MTUS2: variants seen among roughly 807,000 people sequenced by gnomAD.
MTUS2 encodes microtubule associated scaffold protein 2.
A neutral mutation model predicts 114.1 loss-of-function variants in MTUS2; 40 were observed. The ratio of observed to expected loss-of-function variants is 0.35; its 90% CI spans 0.27 to 0.46. The LOEUF is 0.46. Ranked by LOEUF, MTUS2 falls within the 20% of genes least tolerant of loss-of-function variation. The pLI, the probability that MTUS2 is intolerant of heterozygous loss-of-function variation, is 1.00. For missense variants in MTUS2, 1,679 were observed against 1,705.4 expected, an observed-to-expected ratio of 0.98 and a Z score of 0.27; for synonymous variants, 688 against 672.0, an observed-to-expected ratio of 1.02 and a Z score of -0.37.
chr13:29,117,769 C>G (rs1055145611), intron 5 of MTUS2, among the ~76,000 whole-genome samples: 1 of 152,174 alleles, frequency 6.6e-6, no homozygotes. Context: ...CTGCCAACAC[C>G]CATTTACGCT....
chr13:28,980,639 G>C (rs1003482828), intron 2 of MTUS2, among the ~76,000 whole-genome samples: 11 of 152,094 alleles, frequency 7.2e-5, no homozygotes, highest in African/African-American at 2.7e-4. Flanking sequence ...TGTTTTTCTT[G>C]TACAAACACT....
intron 11 of MTUS2, chr13:29,488,206 A>G (rs553671851): frequency 2.1e-5 from 12 of 573,448 alleles, no homozygotes; most frequent in Non-Finnish European, 3.1e-5. Context: ...CTTTCCTCCA[A>G]TGCAGTTATC....
At chr13:29,191,932 T>C (rs1894467528) in intron 5 of MTUS2, among the ~76,000 whole-genome samples, 1 of 152,204 alleles carries the variant, frequency 6.6e-6, no homozygotes. Flanking sequence ...TGTAAAAAGA[T>C]ATTTGTCAGA....
At chr13:29,436,389 G>T (rs1249521721) in intron 8 of MTUS2, among the ~76,000 whole-genome samples, 1 of 152,176 alleles carries the variant, frequency 6.6e-6, no homozygotes, top group Non-Finnish European at 1.5e-5. Flanking sequence ...TAAGACCCGG[G>T]ATGCTCTGGA....
intron 3 of MTUS2, among the ~76,000 whole-genome samples, chr13:29,028,787 G>A (rs1886681909): frequency 1.3e-5 from 2 of 151,834 alleles, no homozygotes; most frequent in Non-Finnish European, 2.9e-5. Flanking sequence ...TTTGTTCCCC[G>A]TGTTCCCAGA....
chr13:29,320,046 A>C (rs9578079), intron 6 of MTUS2, among the ~76,000 whole-genome samples: 57,019 of 152,004 alleles, frequency 0.38, 11,050 homozygotes, highest in African/African-American at 0.49. Context: ...GAACCTATCA[A>C]TGTTACCTTA....
At chr13:28,848,631 A>T (rs1002517520) in intron 2 of MTUS2, among the ~76,000 whole-genome samples, 1 of 151,998 alleles carries the variant, frequency 6.6e-6, no homozygotes, top group Non-Finnish European at 1.5e-5. Context: ...AAGAAAATTA[A>T]CTTAGAAGAG....
chr13:29,170,327 C>T (rs765891996), intron 5 of MTUS2, among the ~76,000 whole-genome samples: 4 of 152,206 alleles, frequency 2.6e-5, no homozygotes, highest in Non-Finnish European at 4.4e-5. Flanking sequence ...TGAATATTAA[C>T]TTTACCCTCA....
At chr13:29,123,885 C>T (rs1327566270) in intron 5 of MTUS2, among the ~76,000 whole-genome samples, 1 of 152,196 alleles carries the variant, frequency 6.6e-6, no homozygotes, top group Non-Finnish European at 1.5e-5. Context: ...GGCTGCCATC[C>T]CCCTGCAGAT....
intron 5 of MTUS2, among the ~76,000 whole-genome samples, chr13:29,134,294 C>T (rs1476495789): frequency 6.6e-6 from 1 of 152,008 alleles, no homozygotes; most frequent in African/African-American, 2.4e-5. Context: ...AATTTGTGGT[C>T]TAGTATATGT....
chr13:29,428,779 G>A lies in MTUS2; in HGVS notation c.3118-11204G>A, dbSNP rs1876763596. On this transcript the variant is annotated intron_variant, in intron 8 of 15. Transcript: ENST00000612955. ...CCCCTTTCGTGTGTGCCGGTACCTC[G>A]GCTTAGGAGTTGCCCGCTGACACCT... 3.1e-6 allele frequency: 5 copies of A among 1,610,512 alleles called. No individual in the cohort carries two copies. The South Asian group carries it at 4.4e-5, about 14-fold the overall frequency.
At chr13:29,453,400 A>G (rs1593461125) in intron 9 of MTUS2, among the ~76,000 whole-genome samples, 1 of 152,174 alleles carries the variant, frequency 6.6e-6, no homozygotes, top group Admixed American at 6.5e-5. Flanking sequence ...TATAAACTTG[A>G]TTGAACACAG....
intron 5 of MTUS2, among the ~76,000 whole-genome samples, chr13:29,247,268 G>A (rs1896961056): frequency 6.6e-6 from 1 of 152,160 alleles, no homozygotes; most frequent in Admixed American, 6.5e-5. Context: ...ATCAACTCAA[G>A]ATGGATCAAA....
intron 1 of MTUS2, among the ~76,000 whole-genome samples, chr13:28,828,731 T>C (rs1207727138): frequency 6.6e-6 from 1 of 152,072 alleles, no homozygotes; most frequent in East Asian, 1.9e-4. Flanking sequence ...CACTTAGTAA[T>C]ACAAATAAAT....
chr13:29,499,725 A>G (rs145165799), intron 14 of MTUS2, among the ~76,000 whole-genome samples: 2,386 of 152,350 alleles, frequency 0.016, 32 homozygotes, highest in Middle Eastern at 0.044. Context: ...CCATTTGTGA[A>G]ATGTCCCTTG....
chr13:28,937,391 T>TA (rs1186091738), intron 2 of MTUS2, among the ~76,000 whole-genome samples: 1 of 151,972 alleles, frequency 6.6e-6, no homozygotes, highest in African/African-American at 2.4e-5. Flanking sequence ...AGGGGACAAT[T>TA]AAGGGAATAA....
intron 5 of MTUS2, among the ~76,000 whole-genome samples, chr13:29,130,026 T>A (rs531330655): frequency 6.6e-6 from 1 of 152,222 alleles, no homozygotes; most frequent in Admixed American, 6.5e-5. Flanking sequence ...GTTTTCAGAG[T>A]GCTTTATAGC....
At chr13:29,501,388 C>T (rs1273890540) in intron 15 of MTUS2, among the ~76,000 whole-genome samples, 194 bp downstream of exon 15, 1 of 152,184 alleles carries the variant, frequency 6.6e-6, no homozygotes, top group Non-Finnish European at 1.5e-5. Context: ...CGGGCCCCAC[C>T]TTGAGAGAAA....
chr13:28,992,766 G>T lies in MTUS2; in HGVS notation c.-242-31691G>T, dbSNP rs887692742. ...AAATATACACAACATACAATTTTCT[G>T]TCTTACCCATTTTTAAGTGTACAGT... On this transcript the variant is annotated intron_variant, in intron 2 of 15. Coordinates refer to ENST00000612955, the MANE Select transcript of MTUS2 (RefSeq NM_001033602.4). 2.0e-5 allele frequency among the ~76,000 whole-genome samples: 3 copies of T among 151,946 alleles called. 1 individual carries two copies. Among genetic ancestry groups the T allele is most frequent in the Non-Finnish European group, 4.4e-5 (3 of 67,986 alleles).
Sources: gnomAD v4.1 joint callset for allele counts (sites outside exome capture counted in the v4.1 genomes callset) on GRCh38, gnomAD v4.1.1 for gene constraint, MANE v1.5 for transcripts, NCBI Gene and HGNC (gene_info 2026-07-23, HGNC 2026-07-21) for gene names.